The following ATF7IP variants were observed in gnomAD, a reference collection of about 807,000 sequenced individuals.
The protein encoded by ATF7IP is activating transcription factor 7 interacting protein, also known as activating transcription factor 7-interacting protein 1.
Under a neutral mutation model 106.4 loss-of-function variants are expected in ATF7IP, and 23 were observed. The observed-to-expected ratio is 0.22, with a 90% confidence interval of 0.16 to 0.31. The LOEUF is 0.31. ATF7IP is among the 10% of genes least tolerant of loss of function. The pLI, the probability that ATF7IP is intolerant of heterozygous loss-of-function variation, is 1.00. For missense variants in ATF7IP, 1,334 were observed against 1,524.3 expected (o/e 0.88, Z 2.08); for synonymous variants, 542 against 539.0 (o/e 1.01, Z -0.08).
intron 6 of ATF7IP, among the ~76,000 whole-genome samples, chr12:14,452,193 T>G (rs1444203130): frequency 6.6e-6 from 1 of 152,194 alleles, no homozygotes; most frequent in African/African-American, 2.4e-5. Context: ...ATTTGCATGG[T>G]AATATTTTTC....
chr12:14,450,211 A>C (rs1943145562), intron 6 of ATF7IP, among the ~76,000 whole-genome samples: 1 of 152,198 alleles, frequency 6.6e-6, no homozygotes, highest in South Asian at 2.1e-4. Flanking sequence ...TATTGAACAG[A>C]AGTGGCAAGA....
intron 9 of ATF7IP, 33 bp downstream of exon 9, chr12:14,461,166 G>A: frequency 1.3e-6 from 2 of 1,580,034 alleles, no homozygotes; most frequent in South Asian, 1.2e-5. Context: ...TACTAGAAAT[G>A]CAAGCATCTT....
chr12:14,373,026 G>A (rs190143912), intron 1 of ATF7IP, among the ~76,000 whole-genome samples: 1 of 152,288 alleles, frequency 6.6e-6, no homozygotes, highest in East Asian at 1.9e-4. Context: ...GGAATCTGCT[G>A]TTTTGAGGAC....
At chr12:14,492,742 T>C (rs1358412311) in intron 13 of ATF7IP, among the ~76,000 whole-genome samples, 1 of 152,208 alleles carries the variant, frequency 6.6e-6, no homozygotes, top group Non-Finnish European at 1.5e-5. Flanking sequence ...CACATTGCCT[T>C]TGACAGTTGA....
intron 13 of ATF7IP, among the ~76,000 whole-genome samples, chr12:14,485,243 A>G (rs2136829118): frequency 6.6e-6 from 1 of 152,112 alleles, no homozygotes; most frequent in South Asian, 2.1e-4. Context: ...GTCACTCGAT[A>G]AATGGGCTGG....
chr12:14,461,191 G>A, intron 9 of ATF7IP, 58 bp downstream of exon 9: 2 of 1,476,478 alleles, frequency 1.4e-6, no homozygotes, highest in Non-Finnish European at 1.8e-6. Flanking sequence ...GCCTTGTAAT[G>A]ATTGAACTTT....
intron 5 of ATF7IP, among the ~76,000 whole-genome samples, chr12:14,439,311 C>T (rs1282720524): frequency 1.3e-5 from 2 of 152,142 alleles, no homozygotes; most frequent in Non-Finnish European, 2.9e-5. Flanking sequence ...AAAAGTGGCC[C>T]ATGGAAGTCA....
intron 7 of ATF7IP, 131 bp from the exon 8 acceptor site, chr12:14,457,076 G>T (rs1943456350): frequency 1.4e-6 from 1 of 718,360 alleles, no homozygotes; most frequent in Non-Finnish European, 2.4e-6. Context: ...GTTTTTGCTT[G>T]CAGTTTAGGA....
At chr12:14,401,371 A>G (rs1250048164) in intron 1 of ATF7IP, among the ~76,000 whole-genome samples, 1 of 151,920 alleles carries the variant, frequency 6.6e-6, no homozygotes, top group Non-Finnish European at 1.5e-5. Flanking sequence ...TAATTTTTGT[A>G]ATTTTAATAG....
chr12:14,484,396 T>A (rs911801318), intron 13 of ATF7IP, among the ~76,000 whole-genome samples: 1 of 152,220 alleles, frequency 6.6e-6, no homozygotes, highest in East Asian at 1.9e-4. Context: ...TGGTGAGCAC[T>A]CACAAGGGAT....
Position 14,424,388 on chromosome 12 carries a change from A to G in ATF7IP, c.473A>G (p.Asp158Gly). 6.2e-7 allele frequency: 1 copy of G among 1,613,806 alleles called. No individual in the cohort carries two copies. The highest frequency in any genetic ancestry group is 8.5e-7 in the Non-Finnish European group (1 of 1,179,826). Residue 158 changes from aspartate to glycine, a missense_variant, in exon 2 of 15, where the codon GAT becomes GGT. Physicochemically the swap from Asp to Gly is moderately conservative, Grantham distance 94. This residue lies in a region of ATF7IP where 438 missense variants were observed against 405.3 expected (regional missense o/e 1.08). Coordinates refer to ENST00000261168, the MANE Select transcript of ATF7IP (RefSeq NM_018179.5). ...GCCTCTGGTGATTCCACCTCTGGTG[A>G]TCCCACCTCTAGCGAGCCCTCCTCT... ...VLASGDSTSG[D>G]PTSSEPSSSD...
chr12:14,425,147 A>G lies in ATF7IP; in HGVS notation c.1232A>G (p.Asn411Ser), dbSNP rs1193812746. 6.3e-7 allele frequency: 1 copy of G among 1,593,562 alleles called. No homozygotes were observed. The highest frequency in any genetic ancestry group is 8.5e-7 in the Non-Finnish European group (1 of 1,174,292). Residue 411 changes from asparagine (N) to serine (S), a missense_variant, in exon 2 of 15, where the codon AAT becomes AGT. Asn to Ser is a conservative substitution (Grantham distance 46). Around this residue, in one of 10 missense-constraint regions of ATF7IP, gnomAD observed 438 missense variants for 405.3 expected, o/e 1.08. Coordinates refer to ENST00000261168, the MANE Select transcript of ATF7IP (RefSeq NM_018179.5). ...TCTGCAGATCTTGTAGAAACGATTA[A>G]TGAAAATGTTATTGAAGATAACAAA... The part of the protein sequence containing the change: ...ETSADLVETI[N>S]ENVIEDNKSE...
At chr12:14,453,368 T>G (rs1943281777) in intron 6 of ATF7IP, among the ~76,000 whole-genome samples, 1 of 152,190 alleles carries the variant, frequency 6.6e-6, no homozygotes, top group Non-Finnish European at 1.5e-5. Flanking sequence ...TCTTAGCTTT[T>G]TTTCATTCTC....
intron 10 of ATF7IP, among the ~76,000 whole-genome samples, chr12:14,474,377 C>T (rs1203065118): frequency 2.0e-4 from 29 of 145,592 alleles, no homozygotes; most frequent in Non-Finnish European, 3.0e-4. Flanking sequence ...TTTGTGCATT[C>T]GTTATTATTA....
chr12:14,491,936 G>A (rs1402106543), intron 13 of ATF7IP, among the ~76,000 whole-genome samples: 1 of 152,202 alleles, frequency 6.6e-6, no homozygotes, highest in Non-Finnish European at 1.5e-5. Context: ...CACCGCCCCT[G>A]CATCTTTCAC....
chr12:14,394,112 CTTA>C (rs1018720202), intron 1 of ATF7IP, among the ~76,000 whole-genome samples: 5 of 152,086 alleles, frequency 3.3e-5, no homozygotes, highest in African/African-American at 7.2e-5. Context: ...GTACACAATT[CTTA>C]TTATTTGGTG....
intron 1 of ATF7IP, among the ~76,000 whole-genome samples, chr12:14,398,516 G>A (rs1052457294): frequency 5.4e-5 from 8 of 148,072 alleles, no homozygotes; most frequent in East Asian, 2.0e-4. Context: ...TTTTCTTGTC[G>A]CCATACACAT....
chr12:14,406,391 G>A (rs1196284895), intron 1 of ATF7IP, among the ~76,000 whole-genome samples: 5 of 152,076 alleles, frequency 3.3e-5, no homozygotes, highest in Non-Finnish European at 5.9e-5. Flanking sequence ...GAGCCACCGC[G>A]CCTGGCCTGT....
chr12:14,410,908 T>C (rs2417348), intron 1 of ATF7IP, among the ~76,000 whole-genome samples: 86,050 of 151,960 alleles, frequency 0.57, 24,812 homozygotes, highest in African/African-American at 0.67. Context: ...ACTGGCTTCT[T>C]TCACTCAGCA....
Sources: allele counts gnomAD v4.1 joint callset (sites outside exome capture counted in the v4.1 genomes callset), GRCh38; gene constraint gnomAD v4.1.1; regional missense constraint gnomAD v4.1.1; transcripts MANE v1.5; gene names NCBI Gene and HGNC (gene_info 2026-07-23, HGNC 2026-07-21).